The following LMTK2 variants were observed in gnomAD, a reference collection of about 807,000 sequenced individuals.
LMTK2 encodes the protein serine/threonine-protein kinase LMTK2.
A neutral mutation model predicts 127.5 loss-of-function variants in LMTK2; 37 were observed. The observed-to-expected ratio is 0.29, with a 90% CI of 0.22 to 0.38. LMTK2 has a LOEUF of 0.38. Ranked by LOEUF, LMTK2 falls within the 10% of genes least tolerant of loss-of-function variation. The pLI is 1.00. For missense variants in LMTK2, 1,694 were observed against 1,920.3 expected (o/e 0.88, Z 2.20); for synonymous variants, 819 against 810.1 (o/e 1.01, Z -0.19).
intron 1 of LMTK2, among the ~76,000 whole-genome samples, chr7:98,112,281 T>C (rs904120753): frequency 1.3e-5 from 2 of 152,156 alleles, no homozygotes; most frequent in African/African-American, 4.8e-5. Flanking sequence ...CACTGCAACC[T>C]CCAACTCCTG....
At chr7:98,109,495 G>A (rs1796167205) in intron 1 of LMTK2, among the ~76,000 whole-genome samples, 1 of 152,058 alleles carries the variant, frequency 6.6e-6, no homozygotes, top group African/African-American at 2.4e-5. Context: ...TGTAATCCCA[G>A]CACTTTGGGA....
rs1295748184 is a variant in LMTK2, at chr7:98,193,358, G to T, written c.2893G>T (p.Val965Leu). The change falls in exon 11 of 14, where the codon GTG becomes TTG. Residue 965 changes from valine to leucine, a missense_variant. By Grantham distance (32) the Val-to-Leu change is conservative. This residue lies in a region of LMTK2 where 527 missense variants were observed against 539.8 expected (regional missense o/e 0.98). Coordinates refer to ENST00000297293, the MANE Select transcript of LMTK2 (RefSeq NM_014916.4). The surrounding 1 kb of genome is among the most constrained non-coding windows in gnomAD (Gnocchi z 4.1). ...SKDAAKEAGL[V>L]SALSSDSTSQ... ...AGACGCAGCAAAAGAAGCAGGCTTG[G>T]TGTCTGCCCTCTCCTCGGACTCAAC... is the stretch of plus-strand genomic sequence containing the variant. 6.2e-7 allele frequency: 1 copy of T among 1,614,066 alleles called. No individual in the cohort carries two copies. Among genetic ancestry groups the T allele is most frequent in the East Asian group, 2.2e-5 (1 of 44,900 alleles).
At chr7:98,166,391 G>C (rs974635695) in intron 6 of LMTK2, among the ~76,000 whole-genome samples, 1 of 152,156 alleles carries the variant, frequency 6.6e-6, no homozygotes, top group Non-Finnish European at 1.5e-5. Context: ...ACTGTTGTCT[G>C]TAAAAGTTTA....
At chr7:98,139,707 C>T (rs1220029273) in intron 2 of LMTK2, among the ~76,000 whole-genome samples, 1 of 152,174 alleles carries the variant, frequency 6.6e-6, no homozygotes, top group Non-Finnish European at 1.5e-5. Flanking sequence ...CACTGGAGAA[C>T]ATACATGAGA....
At chr7:98,144,383 A>G (rs923855492) in intron 3 of LMTK2, among the ~76,000 whole-genome samples, 2 of 151,830 alleles carry the variant, frequency 1.3e-5, no homozygotes, top group Non-Finnish European at 2.9e-5. Context: ...CAGTGAGCCA[A>G]TATCTCACCA....
At chr7:98,190,244 C>G (rs1797501541) in intron 9 of LMTK2, among the ~76,000 whole-genome samples, 1 of 152,116 alleles carries the variant, frequency 6.6e-6, no homozygotes, top group Non-Finnish European at 1.5e-5. Context: ...AACAGAAATG[C>G]CTCTTTTTTT....
chr7:98,186,066 T>TTTTTTTTTC (rs1562918309), intron 8 of LMTK2, among the ~76,000 whole-genome samples: 7 of 151,970 alleles, frequency 4.6e-5, no homozygotes, highest in African/African-American at 9.7e-5. Context: ...CATCTCTTTT[T>TTTTTTTTTC]TTTTTTTTTC....
intron 3 of LMTK2, among the ~76,000 whole-genome samples, chr7:98,145,194 T>C (rs969323070): frequency 6.6e-6 from 1 of 151,840 alleles, no homozygotes; most frequent in Non-Finnish European, 1.5e-5. Context: ...TTGTTATAAA[T>C]TTAGGATGCT....
chr7:98,199,205 G>A (rs556997227), intron 11 of LMTK2, among the ~76,000 whole-genome samples: 3 of 152,094 alleles, frequency 2.0e-5, no homozygotes, highest in Non-Finnish European at 4.4e-5. Flanking sequence ...TGGGTGGATC[G>A]TTCTATAAAT....
intron 3 of LMTK2, among the ~76,000 whole-genome samples, chr7:98,146,777 G>T (rs552082345): frequency 6.6e-5 from 10 of 152,100 alleles, no homozygotes; most frequent in African/African-American, 2.4e-4. Context: ...AAAAAGAGGC[G>T]TTAGACACCA....
intron 1 of LMTK2, among the ~76,000 whole-genome samples, chr7:98,120,313 C>T (rs889222033): frequency 6.6e-6 from 1 of 152,124 alleles, no homozygotes. Flanking sequence ...CATCCCCAAA[C>T]TTTGTTTTCC....
intron 11 of LMTK2, among the ~76,000 whole-genome samples, chr7:98,200,221 A>G (rs1797687681): frequency 6.6e-6 from 1 of 152,106 alleles, no homozygotes; most frequent in African/African-American, 2.4e-5. Context: ...CCCTACTGTC[A>G]CTTAGGCCTT....
rs1457768665 is a variant in LMTK2 at position 98,209,279 on chromosome 7, A to G, written c.*3787A>G. On this transcript the variant is annotated 3_prime_UTR_variant, in exon 14 of 14. Transcript: ENST00000297293. The stretch of plus-strand genomic sequence containing the variant: ...GATGCATTGACAGTGTTGAATTACC[A>G]ACAGCCTGTGAAGATCAGTTTGACC... The G allele has an allele frequency of 3.9e-5, 6 of 152,272 alleles. No individual in the cohort carries two copies. The highest frequency in any genetic ancestry group is 8.8e-5 in the Non-Finnish European group (6 of 68,052). The allele number at this position is 152,272 out of a possible 1,614,324, so 9.4% of individuals were successfully genotyped here.
At chr7:98,138,454 C>A (rs1017518844) in intron 2 of LMTK2, among the ~76,000 whole-genome samples, 1 of 152,170 alleles carries the variant, frequency 6.6e-6, no homozygotes, top group Non-Finnish European at 1.5e-5. Flanking sequence ...CGTATACACA[C>A]AGAGGGCTGA....
intron 1 of LMTK2, among the ~76,000 whole-genome samples, chr7:98,128,066 C>A (rs1269331306): frequency 6.6e-6 from 1 of 152,152 alleles, no homozygotes; most frequent in African/African-American, 2.4e-5. Flanking sequence ...ATCGCTTGAA[C>A]CCGGGAGGTG....
rs988131170 is a variant in LMTK2, at chr7:98,191,425, G to A, written c.1149-189G>A. ...AAATTAGCTGGGCGCGGCAGCGGGC[G>A]CCTGTAATCCCAGCTGCTCGGGAGG... is the stretch of plus-strand genomic sequence containing the variant. On this transcript the variant is annotated intron_variant, in intron 10 of 13. Transcript: ENST00000297293. 3.9e-5 allele frequency among the ~76,000 whole-genome samples: 6 copies of A among 152,176 alleles called. No individual in the cohort carries two copies. The South Asian group carries it at 1.0e-3, about 26-fold the overall frequency.
Position 98,193,535 on chromosome 7 carries a change from C to T in LMTK2, c.3070C>T (p.Pro1024Ser), listed in dbSNP as rs750210185. The T allele has an allele frequency of 3.7e-6, 6 of 1,614,038 alleles. No homozygotes were observed. Among genetic ancestry groups the T allele is most frequent in the Non-Finnish European group, 5.1e-6 (6 of 1,180,040 alleles). Residue 1024 changes from proline to serine, a missense_variant, in exon 11 of 14, where the codon CCC (proline) becomes TCC (serine). Physicochemically the swap from Pro to Ser is moderately conservative, Grantham distance 74. Around this residue, in one of 8 missense-constraint regions of LMTK2, gnomAD observed 65 missense variants for 116.5 expected, o/e 0.56. Coordinates refer to ENST00000297293, the MANE Select transcript of LMTK2 (RefSeq NM_014916.4). The surrounding 1 kb of genome is among the most constrained non-coding windows in gnomAD (Gnocchi z 4.1). ...TCACACTCCCCAGAAACTAGTGCCC[C>T]CCGATAAGCCGGCAGACAGTGGCTA... ...GSHTPQKLVP[P>S]DKPADSGYET...
intron 6 of LMTK2, among the ~76,000 whole-genome samples, chr7:98,166,937 A>G (rs574885452): frequency 1.3e-4 from 20 of 152,252 alleles, no homozygotes; most frequent in Non-Finnish European, 2.8e-4. Context: ...AACATTTACT[A>G]TACAAAGATA....
intron 9 of LMTK2, among the ~76,000 whole-genome samples, chr7:98,187,387 G>A (rs1050356780): frequency 3.9e-5 from 6 of 152,066 alleles, no homozygotes; most frequent in African/African-American, 1.4e-4. Context: ...GAGCTAAAAA[G>A]ATGCACCTAA....
Sources: gnomAD v4.1 joint callset for allele counts (sites outside exome capture counted in the v4.1 genomes callset) on GRCh38, gnomAD v4.1.1 for gene constraint, gnomAD v4.1.1 regional missense constraint, Gnocchi (gnomAD v3.1) non-coding constraint, MANE v1.5 for transcripts, NCBI Gene and HGNC (gene_info 2026-07-23, HGNC 2026-07-21) for gene names.